The following NCOR1 variants were observed in gnomAD, a reference collection of about 807,000 sequenced individuals.
NCOR1 encodes protein phosphatase 1, regulatory subunit 109.
A neutral mutation model predicts 288.1 loss-of-function variants in NCOR1; 63 were observed. That is an observed-to-expected ratio of 0.22 (90% CI 0.18 to 0.27). The LOEUF (loss-of-function observed/expected upper bound fraction) is 0.27. Ranked by LOEUF, NCOR1 falls within the 10% of genes least tolerant of loss-of-function variation. The pLI is 1.00. For synonymous variants in NCOR1, 1,007 were observed against 1,065.9 expected (o/e 0.94, Z 1.08); for missense variants, 2,397 against 3,019.2 (o/e 0.79, Z 4.83).
intron 5 of NCOR1, among the ~76,000 whole-genome samples, chr17:16,161,804 C>T (rs199643012): frequency 6.6e-6 from 1 of 151,982 alleles, no homozygotes; most frequent in South Asian, 2.1e-4. Flanking sequence ...GGCTCTGGTA[C>T]ATTTCATAAT....
chr17:16,149,012 A>G (rs1301464986), intron 9 of NCOR1, among the ~76,000 whole-genome samples: 2 of 152,064 alleles, frequency 1.3e-5, no homozygotes, highest in African/African-American at 4.8e-5. Context: ...ACTGCAAGTC[A>G]TAAAAAAATA....
intron 15 of NCOR1, among the ~76,000 whole-genome samples, chr17:16,121,811 T>C (rs1017035854): frequency 6.6e-6 from 1 of 152,246 alleles, no homozygotes; most frequent in Non-Finnish European, 1.5e-5. Context: ...ACTAATTATG[T>C]ACAAATTGGG....
chr17:16,052,135 A>G (rs2059394888), intron 40 of NCOR1, among the ~76,000 whole-genome samples: 1 of 151,070 alleles, frequency 6.6e-6, no homozygotes, highest in South Asian at 2.1e-4. Flanking sequence ...CAGCCTCCCG[A>G]GTAACTGGAA....
intron 11 of NCOR1, among the ~76,000 whole-genome samples, chr17:16,141,297 T>G (rs573179280): frequency 6.6e-6 from 1 of 152,202 alleles, no homozygotes; most frequent in East Asian, 1.9e-4. Context: ...TGTATTTCAA[T>G]GCACCAAAAA....
In NCOR1 at chr17:16,103,536, GC is replaced by G. The variant is rs146135594; in HGVS notation, c.2183-1780del. Among the ~76,000 whole-genome samples, 948 of 152,322 alleles carry G rather than the reference GC, an allele frequency of 6.2e-3. 14 individuals carry two copies. The highest frequency in any genetic ancestry group is 0.022 in the African/African-American group (915 of 41,576). Reference sequence around the variant, plus strand: ...TGATCTGCAAGGCCTTGCCCAGTGGGCCCCCTCCAGCCTCTCCAGCTTGCAC... The same window carrying G: ...TGATCTGCAAGGCCTTGCCCAGTGGGCCCCTCCAGCCTCTCCAGCTTGCAC... On this transcript the variant is annotated intron_variant, in intron 19 of 45. Coordinates refer to ENST00000268712, the MANE Select transcript of NCOR1 (RefSeq NM_006311.4).
intron 1 of NCOR1, among the ~76,000 whole-genome samples, chr17:16,205,418 T>A (rs765114658): frequency 2.7e-5 from 4 of 149,770 alleles, no homozygotes; most frequent in Non-Finnish European, 5.9e-5. Context: ...AGGTCAGGAG[T>A]TCGAGACCAG....
chr17:16,041,861 C>T (rs548144685), intron 42 of NCOR1, among the ~76,000 whole-genome samples: 44 of 152,118 alleles, frequency 2.9e-4, no homozygotes, highest in Admixed American at 4.6e-4. Flanking sequence ...CTCAGCCCCC[C>T]GAGTGGCTGG....
chr17:16,094,460 T>G (rs955684056), intron 21 of NCOR1, among the ~76,000 whole-genome samples: 1 of 152,164 alleles, frequency 6.6e-6, no homozygotes, highest in African/African-American at 2.4e-5. Context: ...TTTGAATAAA[T>G]AGAAAATAAC....
Position 16,171,419 on chromosome 17 carries a change from T to G in NCOR1, c.435+384A>C, listed in dbSNP as rs1037040523. The stretch of plus-strand genomic sequence containing the variant: ...GATGTGTTTTCTCCCATATAGCAGT[T>G]AATAAACTGCTACTAAATTTAAGGG... On this transcript the variant is annotated intron_variant, in intron 4 of 45. Transcript: ENST00000268712. 3.8e-4 allele frequency among the ~76,000 whole-genome samples: 58 copies of G among 152,206 alleles called. 1 individual carries two copies. Among genetic ancestry groups the G allele is most frequent in the African/African-American group, 1.3e-3 (55 of 41,446 alleles).
chr17:16,050,015 C>T (rs552054634), intron 40 of NCOR1, among the ~76,000 whole-genome samples: 20 of 152,186 alleles, frequency 1.3e-4, no homozygotes, highest in Non-Finnish European at 2.5e-4. Context: ...TTACATCTCC[C>T]GAGTAACTGG....
At chr17:16,105,934 T>C (rs1437441084) in intron 19 of NCOR1, among the ~76,000 whole-genome samples, 1 of 152,130 alleles carries the variant, frequency 6.6e-6, no homozygotes, top group Non-Finnish European at 1.5e-5. Flanking sequence ...ACCCCATCTC[T>C]ACTAAAAGTA....
In NCOR1 at chr17:16,070,418, C is replaced by T. The variant is rs2152725547; in HGVS notation, c.4260G>A (p.Leu1420=). 6.2e-7 allele frequency: 1 copy of T among 1,614,200 alleles called. No individual in the cohort carries two copies. ...CTTTTATGTTCTCTGGCACAATTTC[C>T]AGCGGAGGCATTCCACGGGATAGTT... is the stretch of plus-strand genomic sequence containing the variant. ...PSKLSRGMPP[L]EIVPENIKVV... is the part of the protein sequence containing the mutation. Residue 1420 remains leucine, a synonymous_variant, in exon 31 of 46, where the codon CTG becomes CTA. Transcript: ENST00000268712.
In NCOR1 at chr17:16,180,357, A is replaced by G. The variant is rs569832365; in HGVS notation, c.242+6197T>C. Among the ~76,000 whole-genome samples the G allele has an allele frequency of 3.3e-5, 5 of 152,248 alleles. No individual in the cohort carries two copies. The South Asian group carries it at 1.0e-3, about 32-fold the overall frequency. On this transcript the variant is annotated intron_variant, in intron 3 of 45. Coordinates refer to ENST00000268712, the MANE Select transcript of NCOR1 (RefSeq NM_006311.4). ...TAGATTGTTATAGCCATTATAGAAA[A>G]CAGTATGGAAGGCCCCAAAGAAATT...
chr17:16,144,596 A>G (rs1156932032), intron 10 of NCOR1, among the ~76,000 whole-genome samples: 1 of 151,050 alleles, frequency 6.6e-6, no homozygotes, highest in Non-Finnish European at 1.5e-5. Flanking sequence ...CCCTCCTTCC[A>G]TCCTCCACCC....
chr17:16,193,371 CA>C (rs1333164522), intron 2 of NCOR1, among the ~76,000 whole-genome samples: 1 of 152,042 alleles, frequency 6.6e-6, no homozygotes, highest in African/African-American at 2.4e-5. Context: ...GCTAGGATTA[CA>C]GATGCCTGCC....
At chr17:16,157,907 A>G (rs1483350675) in intron 6 of NCOR1, among the ~76,000 whole-genome samples, 1 of 152,150 alleles carries the variant, frequency 6.6e-6, no homozygotes, top group African/African-American at 2.4e-5. Context: ...AATATTTTTA[A>G]TTAAGAGTAT....
intron 19 of NCOR1, 123 bp from the exon 20 acceptor site, chr17:16,101,880 G>A (rs1756072757): frequency 7.1e-6 from 9 of 1,263,810 alleles, no homozygotes; most frequent in African/African-American, 1.5e-5. Context: ...ATGTTTGAAA[G>A]TAGTTGTTTA....
intron 34 of NCOR1, 145 bp from the exon 35 acceptor site, chr17:16,064,332 G>A (rs1055283795): frequency 9.5e-7 from 1 of 1,057,270 alleles, no homozygotes; most frequent in Non-Finnish European, 1.4e-6. Flanking sequence ...GGGTGCAGTG[G>A]CTGACACCTG....
rs2061585268 is a variant in NCOR1 at position 16,070,147 on chromosome 17, G to C, written c.4513+18C>G. On this transcript the variant is annotated intron_variant, in intron 31 of 45. Coordinates refer to ENST00000268712, the MANE Select transcript of NCOR1 (RefSeq NM_006311.4). ...AATGCAATAAAAAGTATCAGACCAAGCAACAAAAGTAACATACCATCAGAA... is the reference window on the plus strand; with the variant it reads ...AATGCAATAAAAAGTATCAGACCAACCAACAAAAGTAACATACCATCAGAA... The C allele has an allele frequency of 3.9e-6, 6 of 1,553,446 alleles. No homozygotes were observed. The highest frequency in any genetic ancestry group is 5.2e-6 in the Non-Finnish European group (6 of 1,153,778).
Sources: allele counts gnomAD v4.1 joint callset (sites outside exome capture counted in the v4.1 genomes callset), GRCh38; gene constraint gnomAD v4.1.1; transcripts MANE v1.5; gene names NCBI Gene and HGNC (gene_info 2026-07-23, HGNC 2026-07-21).